The following STAM variants were observed in gnomAD, a reference collection of about 807,000 sequenced individuals.
STAM encodes signal transducing adaptor molecule, also known as signal transducing adapter molecule 1.
STAM carries 16 observed loss-of-function variants against 63.4 expected under a neutral mutation model. The ratio of observed to expected loss-of-function variants is 0.25; its 90% CI spans 0.17 to 0.38. STAM has a LOEUF of 0.38. Among genes scored for constraint, STAM ranks in the 10% least tolerant of loss-of-function variants. The pLI is 1.00. For missense variants in STAM, 636 were observed against 657.1 expected (o/e 0.97, Z 0.35); for synonymous variants, 238 against 223.9 (o/e 1.06, Z -0.56).
chr10:17,704,958 T>A lies in STAM; in HGVS notation c.1001-12T>A. The A allele has an allele frequency of 6.2e-7, 1 of 1,610,386 alleles. No homozygotes were observed. Among genetic ancestry groups the A allele is most frequent in the Non-Finnish European group, 8.5e-7 (1 of 1,177,706 alleles). ...GTACTTTCTTATATTTCTTCACATC[T>A]TGTCATTTTAGCAATGTGTCACCAG... On this transcript the variant is annotated splice_polypyrimidine_tract_variant and intron_variant, in intron 10 of 13. Coordinates refer to ENST00000377524, the MANE Select transcript of STAM (RefSeq NM_003473.4).
chr10:17,665,698 A>G (rs1046654001), intron 2 of STAM, among the ~76,000 whole-genome samples: 7 of 151,930 alleles, frequency 4.6e-5, no homozygotes, highest in Admixed American at 3.9e-4. Flanking sequence ...AATGAAAATT[A>G]GTAATTTTTA....
chr10:17,667,821 T>C (rs1388840641), intron 2 of STAM, among the ~76,000 whole-genome samples: 1 of 152,206 alleles, frequency 6.6e-6, no homozygotes, highest in Admixed American at 6.5e-5. Flanking sequence ...CAATAGTCTG[T>C]AGGTGAATGC....
intron 5 of STAM, among the ~76,000 whole-genome samples, chr10:17,692,134 TGAGGCACCAA>T (rs1554826861): frequency 6.6e-6 from 1 of 152,224 alleles, no homozygotes; most frequent in East Asian, 1.9e-4. Flanking sequence ...ATGAGGAATT[TGAGGCACCAA>T]GAGGCTAATT....
At chr10:17,700,968 G>C (rs1835969099) in intron 9 of STAM, among the ~76,000 whole-genome samples, 2 of 152,116 alleles carry the variant, frequency 1.3e-5, no homozygotes, top group Non-Finnish European at 2.9e-5. Context: ...ACACTTTCTA[G>C]TATTTGAGGA....
chr10:17,648,491 C>A lies in STAM; in HGVS notation c.40+4112C>A, dbSNP rs1554821158. ...GGAAGCTTTGTTCTTTCACTCTGCACAATAAATCTTGGTGCTGCTCACTCT... is the reference window on the plus strand; with the variant it reads ...GGAAGCTTTGTTCTTTCACTCTGCAAAATAAATCTTGGTGCTGCTCACTCT... On this transcript the variant is annotated intron_variant, in intron 1 of 13. Transcript: ENST00000377524. Among the ~76,000 whole-genome samples the A allele has an allele frequency of 2.0e-5, 3 of 152,180 alleles. No homozygotes were observed. In the East Asian group the frequency reaches 5.8e-4, roughly 29 times the overall value.
intron 5 of STAM, among the ~76,000 whole-genome samples, chr10:17,692,752 A>G (rs1835593599): frequency 1.3e-5 from 2 of 152,204 alleles, no homozygotes; most frequent in Admixed American, 6.5e-5. Flanking sequence ...CGTTTTATAT[A>G]TATATCTGAG....
intron 1 of STAM, among the ~76,000 whole-genome samples, chr10:17,656,564 G>A (rs576340290): frequency 4.3e-4 from 65 of 152,206 alleles, no homozygotes; most frequent in African/African-American, 1.4e-3. Flanking sequence ...GGAGGGTAAC[G>A]GTACAAATGT....
chr10:17,667,645 T>G (rs1400926234), intron 2 of STAM, among the ~76,000 whole-genome samples: 5 of 152,180 alleles, frequency 3.3e-5, no homozygotes, highest in Admixed American at 3.3e-4. Context: ...GTGGAAGATG[T>G]GAAATAAACA....
At chr10:17,707,684 G>T (rs994931836) in intron 12 of STAM, among the ~76,000 whole-genome samples, 9 of 152,088 alleles carry the variant, frequency 5.9e-5, no homozygotes, top group Non-Finnish European at 1.0e-4. Context: ...GTATAGCTGT[G>T]TTTATAATGA....
Position 17,644,264 on chromosome 10 carries a change from C to A in STAM, c.-76C>A. 6.5e-7 allele frequency: 1 copy of A among 1,545,306 alleles called. No individual in the cohort carries two copies. Among genetic ancestry groups the A allele is most frequent in the East Asian group, 2.2e-5 (1 of 44,478 alleles). On this transcript the variant is annotated 5_prime_UTR_variant, in exon 1 of 14. Coordinates refer to ENST00000377524, the MANE Select transcript of STAM (RefSeq NM_003473.4). ...CTGTTGCTCTTTTTGCCTGAGGAGT[C>A]TTCCATCCTACGTCGAGCTCTGACT...
intron 10 of STAM, 68 bp from the exon 11 acceptor site, chr10:17,704,902 T>C: frequency 7.9e-7 from 1 of 1,265,238 alleles, no homozygotes; most frequent in South Asian, 1.3e-5. Flanking sequence ...ATTATACAAA[T>C]ATCTATCAAA....
At chr10:17,714,322 A>G (rs557415516) in intron 13 of STAM, among the ~76,000 whole-genome samples, 1 of 144,726 alleles carries the variant, frequency 6.9e-6, no homozygotes, top group South Asian at 2.2e-4. Flanking sequence ...ACCCCCCCCA[A>G]CTTTTTTTAC....
At chr10:17,680,588 G>C (rs1415277394) in intron 2 of STAM, among the ~76,000 whole-genome samples, 1 of 152,044 alleles carries the variant, frequency 6.6e-6, no homozygotes, top group African/African-American at 2.4e-5. Context: ...AAAATTTCTT[G>C]TAGAGACAGG....
chr10:17,685,305 A>G (rs1835251080), intron 4 of STAM, among the ~76,000 whole-genome samples: 2 of 152,170 alleles, frequency 1.3e-5, no homozygotes, highest in African/African-American at 4.8e-5. Flanking sequence ...GGCACCGTTG[A>G]GTTTTTATCT....
chr10:17,692,935 G>A (rs1554826950), intron 5 of STAM, among the ~76,000 whole-genome samples: 1 of 151,744 alleles, frequency 6.6e-6, no homozygotes. Flanking sequence ...ATCTTCTCTA[G>A]TCTGTCTTCT....
intron 2 of STAM, among the ~76,000 whole-genome samples, chr10:17,667,371 C>T (rs1834436441): frequency 6.6e-6 from 1 of 152,194 alleles, no homozygotes. Flanking sequence ...ATCTGCCCTC[C>T]TCAGCCTCCC....
intron 2 of STAM, among the ~76,000 whole-genome samples, chr10:17,663,772 AT>A (rs1301170426): frequency 3.9e-5 from 6 of 152,252 alleles, no homozygotes; most frequent in African/African-American, 1.4e-4. Context: ...TTTTAAAAAA[AT>A]GTCAGGCCTT....
chr10:17,656,301 A>G (rs1833937140), intron 1 of STAM, among the ~76,000 whole-genome samples: 2 of 151,932 alleles, frequency 1.3e-5, no homozygotes, highest in South Asian at 4.1e-4. Context: ...CTTAAAAAAA[A>G]AAAAAAAAAA....
intron 9 of STAM, among the ~76,000 whole-genome samples, chr10:17,702,969 A>C (rs1445787373): frequency 7.2e-6 from 1 of 139,622 alleles, no homozygotes; most frequent in African/African-American, 2.6e-5. Context: ...AGATCATGCC[A>C]CTGCACTCCA....
Sources: allele counts gnomAD v4.1 joint callset (sites outside exome capture counted in the v4.1 genomes callset), GRCh38; gene constraint gnomAD v4.1.1; transcripts MANE v1.5; gene names NCBI Gene and HGNC (gene_info 2026-07-23, HGNC 2026-07-21).